PRRC2B: variants seen among roughly 807,000 people sequenced by gnomAD.
The protein encoded by PRRC2B is protein PRRC2B.
A neutral mutation model predicts 242.3 loss-of-function variants in PRRC2B; 68 were observed. The ratio of observed to expected loss-of-function variants is 0.28; its 90% CI spans 0.23 to 0.34. The LOEUF (loss-of-function observed/expected upper bound fraction) is 0.34. PRRC2B is among the 10% of genes least tolerant of loss of function. PRRC2B has a pLI of 1.00. For synonymous variants in PRRC2B, 1,228 were observed against 1,173.6 expected (o/e 1.05, Z -0.95); for missense variants, 2,835 against 2,954.8 (o/e 0.96, Z 0.94).
At chr9:131,404,101 A>C (rs1199952913) in intron 1 of PRRC2B, among the ~76,000 whole-genome samples, 2 of 152,118 alleles carry the variant, frequency 1.3e-5, no homozygotes, top group African/African-American at 4.8e-5. Context: ...ATTCATGTGA[A>C]CAGACCTGCC....
At chr9:131,492,315 G>A (rs1209758890) in intron 30 of PRRC2B, 55 bp downstream of exon 30, 10 of 1,415,196 alleles carry the variant, frequency 7.1e-6, no homozygotes, top group Non-Finnish European at 1.0e-5. Flanking sequence ...TGCCAGAGCT[G>A]CGGCCCAGTG....
At chr9:131,459,769 G>A (rs1299459002) in intron 11 of PRRC2B, among the ~76,000 whole-genome samples, 2 of 151,964 alleles carry the variant, frequency 1.3e-5, no homozygotes, top group Non-Finnish European at 2.9e-5. Flanking sequence ...GAGCTCGTGG[G>A]CTCAAGGGAT....
intron 29 of PRRC2B, 68 bp downstream of exon 29, chr9:131,491,648 C>T (rs1417969207): frequency 2.1e-6 from 3 of 1,410,702 alleles, no homozygotes; most frequent in East Asian, 5.0e-5. Flanking sequence ...TTCTAGCAAG[C>T]TAAGTACCCC....
intron 13 of PRRC2B, among the ~76,000 whole-genome samples, chr9:131,468,410 C>G (rs1943453286): frequency 6.6e-6 from 1 of 152,292 alleles, no homozygotes; most frequent in Admixed American, 6.5e-5. Flanking sequence ...CGCCTATAAA[C>G]TATTTTATTG....
At chr9:131,451,814 C>A (rs957386331) in intron 9 of PRRC2B, among the ~76,000 whole-genome samples, 5 of 151,746 alleles carry the variant, frequency 3.3e-5, no homozygotes, top group Admixed American at 6.6e-5. Flanking sequence ...CAATGATTTC[C>A]TACATCTGTG....
intron 13 of PRRC2B, among the ~76,000 whole-genome samples, chr9:131,468,790 C>CAA (rs1943462601): frequency 6.6e-6 from 1 of 152,184 alleles, no homozygotes; most frequent in South Asian, 2.1e-4. Flanking sequence ...CCCAGTATCT[C>CAA]ACTTAATTAC....
rs1944349010 is a variant in PRRC2B at position 131,496,858 on chromosome 9, C to T, written c.*984C>T. 6.6e-6 allele frequency: 1 copy of T among 152,278 alleles called. No homozygotes were observed. Among genetic ancestry groups the T allele is most frequent in the African/African-American group, 2.4e-5 (1 of 41,468 alleles). 9.4% of individuals were successfully genotyped at this position (152,278 alleles called of 1,614,324 possible). On this transcript the variant is annotated 3_prime_UTR_variant, in exon 32 of 32. Transcript: ENST00000683519. ...GAGCTGACATACCACAGGCCCATCCCAGGCCCCGTGGGCTCTGCTTCTGGG... is the reference window on the plus strand; with the variant it reads ...GAGCTGACATACCACAGGCCCATCCTAGGCCCCGTGGGCTCTGCTTCTGGG...
chr9:131,456,666 G>T (rs1943090003), intron 10 of PRRC2B, among the ~76,000 whole-genome samples: 1 of 151,794 alleles, frequency 6.6e-6, no homozygotes, highest in Admixed American at 6.6e-5. Flanking sequence ...ACAATTAGTT[G>T]GGCGTGGTGT....
Position 131,494,448 on chromosome 9 carries a change from G to A in PRRC2B, c.6517G>A (p.Val2173Ile). The change falls in exon 31 of 32, where the codon GTT (valine) becomes ATT (isoleucine). Residue 2173 changes from valine to isoleucine, a missense_variant. Physicochemically the swap from Val to Ile is conservative, Grantham distance 29 (BLOSUM62 3). Transcript: ENST00000683519. The surrounding 1 kb of genome is among the most constrained non-coding windows in gnomAD (Gnocchi z 4.3). ...SPSGKPSGSA[V>I]NMGSVQGHYV... ...CAGTGGGAAGCCCTCTGGATCAGCA[G>A]TTAACATGGGCTCTGTGCAGGGACA... 6.2e-7 allele frequency: 1 copy of A among 1,606,796 alleles called. No individual in the cohort carries two copies. The highest frequency in any genetic ancestry group is 8.5e-7 in the Non-Finnish European group (1 of 1,175,878).
chr9:131,417,726 C>T (rs1021294412), intron 1 of PRRC2B, among the ~76,000 whole-genome samples: 2 of 152,120 alleles, frequency 1.3e-5, no homozygotes, highest in Non-Finnish European at 2.9e-5. Context: ...TAACCAGAAG[C>T]CCCCTGTATT....
At chr9:131,381,687 G>T (rs2131264151) in intron 1 of PRRC2B, among the ~76,000 whole-genome samples, 1 of 151,644 alleles carries the variant, frequency 6.6e-6, no homozygotes, top group East Asian at 2.0e-4. Context: ...CCAAAGTGCT[G>T]GGATTATAGG....
At chr9:131,466,968 AT>A (rs1943413978) in intron 12 of PRRC2B, among the ~76,000 whole-genome samples, 1 of 151,586 alleles carries the variant, frequency 6.6e-6, no homozygotes, top group South Asian at 2.1e-4. Context: ...CGCCTGGCTG[AT>A]TTTTTGTATT....
intron 2 of PRRC2B, among the ~76,000 whole-genome samples, chr9:131,430,781 T>C (rs1838140569): frequency 6.6e-6 from 1 of 150,626 alleles, no homozygotes; most frequent in African/African-American, 2.4e-5. Context: ...TTAGTAGAGA[T>C]GGGGTTTCCC....
At chr9:131,409,898 A>T (rs1002243665) in intron 1 of PRRC2B, among the ~76,000 whole-genome samples, 2 of 152,254 alleles carry the variant, frequency 1.3e-5, no homozygotes, top group Admixed American at 6.5e-5. Flanking sequence ...ACAATAAAGA[A>T]CATAGATTTT....
intron 12 of PRRC2B, among the ~76,000 whole-genome samples, chr9:131,466,594 C>T (rs1313387586): frequency 6.6e-6 from 1 of 151,200 alleles, no homozygotes. Flanking sequence ...TGTGGGCTGT[C>T]ACTGAGTTCA....
At chr9:131,434,543 C>T (rs141395756) in intron 3 of PRRC2B, among the ~76,000 whole-genome samples, 1 of 152,354 alleles carries the variant, frequency 6.6e-6, no homozygotes, top group East Asian at 1.9e-4. Context: ...TTTTGGAGAA[C>T]ACAAAAGTGC....
chr9:131,429,963 A>G (rs984463320), intron 1 of PRRC2B, 131 bp from the exon 2 acceptor site: 2 of 597,534 alleles, frequency 3.3e-6, no homozygotes, highest in Non-Finnish European at 5.9e-6. Flanking sequence ...GTCCAAAGCC[A>G]TCTTCAGATC....
At chr9:131,379,851 C>T (rs1010974859) in intron 1 of PRRC2B, among the ~76,000 whole-genome samples, 2 of 151,286 alleles carry the variant, frequency 1.3e-5, no homozygotes, top group Admixed American at 6.6e-5. Flanking sequence ...GCCTTTAACT[C>T]CTGACCTCGT....
chr9:131,395,707 C>T (rs895661643), intron 1 of PRRC2B, among the ~76,000 whole-genome samples: 2 of 152,186 alleles, frequency 1.3e-5, no homozygotes, highest in Non-Finnish European at 2.9e-5. Context: ...GCCACAGGTG[C>T]TGGCCTAAGG....
Sources: gnomAD v4.1 joint callset for allele counts (sites outside exome capture counted in the v4.1 genomes callset) on GRCh38, gnomAD v4.1.1 for gene constraint, Gnocchi (gnomAD v3.1) non-coding constraint, MANE v1.5 for transcripts, NCBI Gene and HGNC (gene_info 2026-07-23, HGNC 2026-07-21) for gene names.